The following UNC50 variants were observed in gnomAD, a reference collection of about 807,000 sequenced individuals.
The protein encoded by UNC50 is unc-50 inner nuclear membrane RNA binding protein, also known as protein unc-50 homolog.
Under a neutral mutation model 31.5 loss-of-function variants are expected in UNC50, and 24 were observed. The observed-to-expected ratio is 0.76, with a 90% CI of 0.55 to 1.07. The LOEUF is 1.07. Among genes scored for constraint, UNC50 ranks in the 50% least tolerant of loss-of-function variants. The probability of loss-of-function intolerance (pLI) is 0.00; values close to 1 mark genes in which losing one functional copy is unlikely to be tolerated. For synonymous variants in UNC50, 118 were observed against 114.7 expected (o/e 1.03, Z -0.18); for missense variants, 245 against 304.2 (o/e 0.81, Z 1.45).
intron 4 of UNC50, 26 bp from the exon 5 acceptor site, chr2:98,616,406 C>T (rs188627387): frequency 1.3e-4 from 214 of 1,613,766 alleles, no homozygotes; most frequent in Admixed American, 3.8e-4. Flanking sequence ...GGTAAAGGGA[C>T]TCATGGTCTG....
In UNC50 at chr2:98,610,923, A is replaced by T. The variant is rs780809058; in HGVS notation, c.401+28A>T. 7 of 1,609,570 alleles carry T rather than the reference A, an allele frequency of 4.3e-6. No homozygotes were observed. In the Admixed American group the frequency reaches 6.7e-5, roughly 16 times the overall value. On this transcript the variant is annotated intron_variant, in intron 3 of 5. Transcript: ENST00000357765. ...AAGTACCATAACTTTGGTTTTTCAG[A>T]TACTGCTGTAGCATCTCCATTTGTT...
intron 5 of UNC50, 169 bp from the exon 6 acceptor site, chr2:98,617,999 G>T: frequency 1.4e-6 from 1 of 695,028 alleles, no homozygotes; most frequent in Non-Finnish European, 2.2e-6. Flanking sequence ...GCACAGAGGG[G>T]TTGGGAAGAG....
intron 3 of UNC50, among the ~76,000 whole-genome samples, chr2:98,614,282 G>A (rs935373070): frequency 6.6e-6 from 1 of 152,160 alleles, no homozygotes; most frequent in East Asian, 1.9e-4. Flanking sequence ...ATAGAGAGGA[G>A]AGATGGATTC....
chr2:98,615,130 C>T (rs745694972), intron 3 of UNC50, among the ~76,000 whole-genome samples: 23 of 152,348 alleles, frequency 1.5e-4, no homozygotes, highest in Admixed American at 2.0e-4. Flanking sequence ...ATGCGTCACT[C>T]TTCCTAACTG....
chr2:98,617,352 A>ACACTT (rs1436799444), intron 5 of UNC50, among the ~76,000 whole-genome samples: 1 of 152,166 alleles, frequency 6.6e-6, no homozygotes, highest in Non-Finnish European at 1.5e-5. Context: ...TTGTCAGGGA[A>ACACTT]CACTTAACCC....
intron 3 of UNC50, 57 bp from the exon 4 acceptor site, chr2:98,616,150 C>G (rs1424944634): frequency 1.3e-5 from 20 of 1,549,540 alleles, no homozygotes; most frequent in South Asian, 8.4e-5. Flanking sequence ...AGAAAGTCGT[C>G]AGTAAACATT....
At chr2:98,613,718 A>G (rs1391248126) in intron 3 of UNC50, among the ~76,000 whole-genome samples, 2 of 152,244 alleles carry the variant, frequency 1.3e-5, no homozygotes, top group Non-Finnish European at 2.9e-5. Context: ...AAGGGGACCA[A>G]ATCAGCCTGG....
In UNC50 at chr2:98,609,862, C is replaced by T; in HGVS notation, c.103C>T (p.Leu35=). 1 of 1,614,206 alleles carries T rather than the reference C, an allele frequency of 6.2e-7. No homozygotes were observed. The highest frequency in any genetic ancestry group is 8.5e-7 in the Non-Finnish European group (1 of 1,180,040). The change falls in exon 2 of 6, where the codon CTG becomes TTG. Residue 35 remains leucine (L), a synonymous_variant. Coordinates refer to ENST00000357765, the MANE Select transcript of UNC50 (RefSeq NM_014044.7). ...AGCCGGAGCGAAACGCTACAAATAT[C>T]TGAGAAGGCTTTTCCGCTTTCGGCA... The part of the protein sequence containing the change: ...HTAGAKRYKY[L]RRLFRFRQMD...
Position 98,609,748 on chromosome 2 carries a change from C to G in UNC50, c.-4-8C>G, listed in dbSNP as rs768363240. The G allele has an allele frequency of 6.2e-7, 1 of 1,613,928 alleles. No individual in the cohort carries two copies. The stretch of plus-strand genomic sequence containing the variant: ...TACGTGTAAAAGAAATGTTTTTCTT[C>G]CATCTAGGAAGATGTTACCGAGTAC... On this transcript the variant is annotated splice_region_variant and splice_polypyrimidine_tract_variant and intron_variant, in intron 1 of 5. Coordinates refer to ENST00000357765, the MANE Select transcript of UNC50 (RefSeq NM_014044.7).
Position 98,618,363 on chromosome 2 carries a change from T to A in UNC50, c.*59T>A, listed in dbSNP as rs1476078312. ...AACAGTATTGTGAAGTGATCATTTC[T>A]TGTAAAACTTGTAAATAAACTATCA... On this transcript the variant is annotated 3_prime_UTR_variant, in exon 6 of 6. Coordinates refer to ENST00000357765, the MANE Select transcript of UNC50 (RefSeq NM_014044.7). 6.8e-7 allele frequency: 1 copy of A among 1,476,440 alleles called. No individual in the cohort carries two copies. The highest frequency in any genetic ancestry group is 9.0e-7 in the Non-Finnish European group (1 of 1,109,532). 91.5% of individuals were successfully genotyped at this position (1,476,440 alleles called of 1,614,324 possible).
At position 98,610,043 on chromosome 2, in the gene UNC50, A is replaced by G; in HGVS notation, c.280+4A>G. On this transcript the variant is annotated splice_donor_region_variant and intron_variant, in intron 2 of 5. Coordinates refer to ENST00000357765, the MANE Select transcript of UNC50 (RefSeq NM_014044.7). ...CTGTTAAGTATCTGGCTCTGTGGTA[A>G]GTGTGTTTATCTGAGATAGAATTGA... 2.5e-6 allele frequency: 4 copies of G among 1,608,522 alleles called. No homozygotes were observed. The highest frequency in any genetic ancestry group is 3.4e-6 in the Non-Finnish European group (4 of 1,175,764).
At chr2:98,611,498 G>A (rs1027989199) in intron 3 of UNC50, among the ~76,000 whole-genome samples, 1 of 152,120 alleles carries the variant, frequency 6.6e-6, no homozygotes, top group Non-Finnish European at 1.5e-5. Context: ...ATAAACAATG[G>A]GGCAGAGGAA....
At chr2:98,608,859 GAT>G (rs1700761534) in intron 1 of UNC50, 133 bp downstream of exon 1, 1 of 254,970 alleles carries the variant, frequency 3.9e-6, no homozygotes, top group South Asian at 3.9e-5. Flanking sequence ...CTCGGCCGGC[GAT>G]AGAGTTGCGG....
chr2:98,615,106 G>T (rs1443568079), intron 3 of UNC50, among the ~76,000 whole-genome samples: 1 of 152,200 alleles, frequency 6.6e-6, no homozygotes, highest in Non-Finnish European at 1.5e-5. Context: ...TTGAATAATT[G>T]TTCTTATGGC....
intron 1 of UNC50, chr2:98,608,978 A>T (rs1044339779): frequency 6.0e-6 from 1 of 165,396 alleles, no homozygotes; most frequent in Non-Finnish European, 1.3e-5. Flanking sequence ...CTAAAACCTT[A>T]TTCGTGGCCT....
intron 5 of UNC50, among the ~76,000 whole-genome samples, chr2:98,617,211 C>T (rs569682365): frequency 1.6e-4 from 25 of 152,118 alleles, no homozygotes; most frequent in Admixed American, 4.6e-4. Context: ...CTAGAGACTG[C>T]GCTGTACGTT....
chr2:98,616,384 A>T (rs1419440243), intron 4 of UNC50, 38 bp downstream of exon 4: 1 of 1,613,748 alleles, frequency 6.2e-7, no homozygotes, highest in South Asian at 1.1e-5. Flanking sequence ...CCAAGTCTTC[A>T]TTGCATGCAT....
At chr2:98,610,737 C>T (rs1171144364) in intron 2 of UNC50, 38 bp from the exon 3 acceptor site, 1 of 1,609,934 alleles carries the variant, frequency 6.2e-7, no homozygotes, top group Non-Finnish European at 8.5e-7. Flanking sequence ...CAGAACCTAG[C>T]AGAGTCCCTA....
chr2:98,611,221 C>T (rs1485698480), intron 3 of UNC50, among the ~76,000 whole-genome samples: 7 of 152,174 alleles, frequency 4.6e-5, no homozygotes, highest in African/African-American at 1.4e-4. Context: ...TTAGGAGGTC[C>T]TGATGACATG....
Sources: gnomAD v4.1 joint callset for allele counts (sites outside exome capture counted in the v4.1 genomes callset) on GRCh38, gnomAD v4.1.1 for gene constraint, MANE v1.5 for transcripts, NCBI Gene and HGNC (gene_info 2026-07-23, HGNC 2026-07-21) for gene names.